The following NDUFS4 variants were observed in gnomAD, a reference collection of about 807,000 sequenced individuals.
NDUFS4 encodes NADH dehydrogenase [ubiquinone] iron-sulfur protein 4, mitochondrial.
In NDUFS4, 28 loss-of-function variants were observed where a neutral mutation model predicts 24.3. The ratio of observed to expected loss-of-function variants is 1.15; its 90% CI spans 0.85 to 1.58. The LOEUF is 1.58. Ranked by LOEUF, NDUFS4 falls within the 40% of genes most tolerant of loss-of-function variation. The probability of loss-of-function intolerance (pLI) is 0.00; values close to 1 mark genes in which losing one functional copy is unlikely to be tolerated. For synonymous variants in NDUFS4, 93 were observed against 69.7 expected (o/e 1.34, Z -1.67); for missense variants, 223 against 207.9 (o/e 1.07, Z -0.45).
chr5:53,617,274 C>G (rs530481651), intron 2 of NDUFS4, among the ~76,000 whole-genome samples: 80 of 152,230 alleles, frequency 5.3e-4, no homozygotes, highest in African/African-American at 1.8e-3. Context: ...TCCTTTCCCC[C>G]CTCTTACTCT....
rs144332077 is a variant in NDUFS4 at position 53,660,397 on chromosome 5, C to T, written c.424+1773C>T. On this transcript the variant is annotated intron_variant, in intron 4 of 4. Transcript: ENST00000296684. ...GCCACATTTGCTTAATCCAGTCTAT[C>T]ATTGTTGGACATTTGGCTTGATTCC... is the stretch of plus-strand genomic sequence containing the variant. 2.4e-3 allele frequency among the ~76,000 whole-genome samples: 368 copies of T among 152,158 alleles called. 1 individual carries two copies. The highest frequency in any genetic ancestry group is 8.6e-3 in the African/African-American group (357 of 41,504).
chr5:53,604,772 A>G (rs1750445445), intron 2 of NDUFS4: 1 of 456,264 alleles, frequency 2.2e-6, no homozygotes, highest in Non-Finnish European at 4.4e-6. Context: ...AGCCACACCA[A>G]GCCTGGAACT....
intron 1 of NDUFS4, among the ~76,000 whole-genome samples, chr5:53,567,061 G>A (rs578058200): frequency 6.6e-6 from 1 of 152,118 alleles, no homozygotes; most frequent in South Asian, 2.1e-4. Flanking sequence ...ATGTTGGTCA[G>A]GCTGGTCTCA....
At chr5:53,639,814 T>A (rs1561380102) in intron 2 of NDUFS4, among the ~76,000 whole-genome samples, 1 of 152,188 alleles carries the variant, frequency 6.6e-6, no homozygotes, top group African/African-American at 2.4e-5. Context: ...TGATAACAGT[T>A]ACCTCCCTGA....
chr5:53,674,762 G>GT lies in NDUFS4; in HGVS notation c.425-8355dup, dbSNP rs1313112014. Among the ~76,000 whole-genome samples the GT allele has an allele frequency of 2.0e-5, 3 of 151,946 alleles. 1 individual carries two copies. Reference sequence around the variant, plus strand: ...CAATAATGAATCAATTTGGTTAATTGTAAGTTTACATTTTTTCTTGACTAA... The same window carrying GT: ...CAATAATGAATCAATTTGGTTAATTGTTAAGTTTACATTTTTTCTTGACTAA... On this transcript the variant is annotated intron_variant, in intron 4 of 4. Transcript: ENST00000296684.
chr5:53,614,567 T>TTA (rs1424033134), intron 2 of NDUFS4, among the ~76,000 whole-genome samples: 1 of 152,026 alleles, frequency 6.6e-6, no homozygotes, highest in Non-Finnish European at 1.5e-5. Flanking sequence ...CTGAAATGTT[T>TTA]TATCTTTCAA....
At chr5:53,639,982 G>T (rs1239750775) in intron 2 of NDUFS4, among the ~76,000 whole-genome samples, 1 of 152,026 alleles carries the variant, frequency 6.6e-6, no homozygotes, top group African/African-American at 2.4e-5. Flanking sequence ...GGCTGTGGAT[G>T]AAATTTTTAG....
intron 1 of NDUFS4, among the ~76,000 whole-genome samples, chr5:53,597,496 G>A (rs1394925698): frequency 6.6e-6 from 1 of 152,124 alleles, no homozygotes; most frequent in Non-Finnish European, 1.5e-5. Flanking sequence ...TTAGTTGATA[G>A]GTAGTTTCAA....
intron 4 of NDUFS4, among the ~76,000 whole-genome samples, chr5:53,676,637 G>T (rs529680514): frequency 1.3e-5 from 2 of 152,222 alleles, no homozygotes; most frequent in South Asian, 4.1e-4. Flanking sequence ...GCAAAATACT[G>T]GCACTAAATA....
intron 4 of NDUFS4, among the ~76,000 whole-genome samples, chr5:53,673,258 A>G (rs1177365860): frequency 1.3e-5 from 2 of 152,170 alleles, no homozygotes; most frequent in African/African-American, 4.8e-5. Context: ...CTTGTTAATA[A>G]TAGCATATAA....
chr5:53,626,975 G>C (rs1376953939), intron 2 of NDUFS4, among the ~76,000 whole-genome samples: 1 of 152,072 alleles, frequency 6.6e-6, no homozygotes, highest in East Asian at 1.9e-4. Flanking sequence ...CATCCTGAAT[G>C]GTATTGCCTA....
intron 2 of NDUFS4, among the ~76,000 whole-genome samples, chr5:53,619,303 AT>A (rs545925707): frequency 0.024 from 1,275 of 53,910 alleles, 12 homozygotes; most frequent in Non-Finnish European, 0.032. Flanking sequence ...TCTGCTAAAA[AT>A]TTAAAAAAAA....
At position 53,603,460 on chromosome 5, in the gene NDUFS4, G is replaced by A. The variant is rs1022912416; in HGVS notation, c.107G>A (p.Arg36Lys). ...SVSRVPTRSL[R>K]TSTWRLAQDQ... is the part of the protein sequence containing the mutation. ...AAAGTCTTGCACTGCAGGTCGTTGAGGACTTCCACATGGAGATTGGCACAG... is the reference window on the plus strand; with the variant it reads ...AAAGTCTTGCACTGCAGGTCGTTGAAGACTTCCACATGGAGATTGGCACAG... Residue 36 changes from arginine to lysine, a missense_variant, in exon 2 of 5, where the codon AGG becomes AAG. By Grantham distance (26) the Arg-to-Lys change is conservative. Coordinates refer to ENST00000296684, the MANE Select transcript of NDUFS4 (RefSeq NM_002495.4). 9 of 1,613,062 alleles carry A rather than the reference G, an allele frequency of 5.6e-6. No homozygotes were observed. The highest frequency in any genetic ancestry group is 7.6e-6 in the Non-Finnish European group (9 of 1,179,698).
chr5:53,613,696 T>C lies in NDUFS4; in HGVS notation c.177+10166T>C, dbSNP rs551424505. Among the ~76,000 whole-genome samples the C allele has an allele frequency of 1.9e-4, 29 of 151,758 alleles. No individual in the cohort carries two copies. In the East Asian group the frequency reaches 4.1e-3, roughly 21 times the overall value. ...AAAAATGGATGAATAGCCTTTAAGA[T>C]TGCAGCAATACTGTTGCTTAAAATT... On this transcript the variant is annotated intron_variant, in intron 2 of 4. Coordinates refer to ENST00000296684, the MANE Select transcript of NDUFS4 (RefSeq NM_002495.4).
chr5:53,680,580 TA>T (rs1010311653), intron 4 of NDUFS4, among the ~76,000 whole-genome samples: 1 of 151,756 alleles, frequency 6.6e-6, no homozygotes, highest in African/African-American at 2.4e-5. Flanking sequence ...TCATTCTCAG[TA>T]AACTATCGCA....
At chr5:53,625,454 C>A (rs1002600087) in intron 2 of NDUFS4, among the ~76,000 whole-genome samples, 5 of 152,020 alleles carry the variant, frequency 3.3e-5, no homozygotes, top group African/African-American at 1.2e-4. Flanking sequence ...AACATTTCTG[C>A]TTCAATCTTT....
intron 2 of NDUFS4, among the ~76,000 whole-genome samples, chr5:53,627,344 G>C (rs1280021719): frequency 6.6e-6 from 1 of 152,154 alleles, no homozygotes; most frequent in East Asian, 1.9e-4. Context: ...TTTTTGCTTA[G>C]GATTGTCTTG....
Position 53,678,573 on chromosome 5 carries a change from A to G in NDUFS4, c.425-4545A>G, listed in dbSNP as rs189700512. Among the ~76,000 whole-genome samples, 81 of 152,276 alleles carry G rather than the reference A, an allele frequency of 5.3e-4. 3 individuals carry two copies. The East Asian group carries it at 0.011, about 21-fold the overall frequency. On this transcript the variant is annotated intron_variant, in intron 4 of 4. Coordinates refer to ENST00000296684, the MANE Select transcript of NDUFS4 (RefSeq NM_002495.4). ...TATGGGACCATTATGATTGTAGACT[A>G]TACCTTCATTTTATATAAGCATTCT...
At chr5:53,656,296 A>G (rs901253040) in intron 3 of NDUFS4, among the ~76,000 whole-genome samples, 1 of 152,034 alleles carries the variant, frequency 6.6e-6, no homozygotes, top group African/African-American at 2.4e-5. Flanking sequence ...AGGCAGATAA[A>G]TCTGATATAA....
Sources: allele counts gnomAD v4.1 joint callset (sites outside exome capture counted in the v4.1 genomes callset), GRCh38; gene constraint gnomAD v4.1.1; transcripts MANE v1.5; gene names NCBI Gene and HGNC (gene_info 2026-07-23, HGNC 2026-07-21).